COL17A1: variants seen among roughly 807,000 people sequenced by gnomAD.
The protein encoded by COL17A1 is collagen alpha-1(XVII) chain.
COL17A1 carries 181 observed loss-of-function variants against 218.4 expected under a neutral mutation model. That is an observed-to-expected ratio of 0.83 (90% CI 0.73 to 0.94). The LOEUF (loss-of-function observed/expected upper bound fraction) is 0.94. Ranked by LOEUF, COL17A1 falls within the 40% of genes least tolerant of loss-of-function variation. The pLI, the probability that COL17A1 is intolerant of heterozygous loss-of-function variation, is 0.00. For synonymous variants in COL17A1, 721 were observed against 731.0 expected (o/e 0.99, Z 0.22); for missense variants, 1,924 against 1,945.9 (o/e 0.99, Z 0.21).
intron 19 of COL17A1, 74 bp downstream of exon 19, chr10:104,055,298 T>G: frequency 6.2e-7 from 1 of 1,610,096 alleles, no homozygotes; most frequent in Non-Finnish European, 8.5e-7. Flanking sequence ...AGAAAAAGGC[T>G]TCTAATCTAC....
intron 9 of COL17A1, 30 bp from the exon 10 acceptor site, chr10:104,064,626 T>C (rs757165629): frequency 1.9e-6 from 3 of 1,596,274 alleles, no homozygotes; most frequent in East Asian, 2.3e-5. Flanking sequence ...CACACCCCAG[T>C]GAGAGACAAA....
intron 52 of COL17A1, 151 bp downstream of exon 52, chr10:104,033,794 T>G: frequency 8.1e-7 from 1 of 1,233,242 alleles, no homozygotes; most frequent in Non-Finnish European, 1.1e-6. Flanking sequence ...CTGAGTAGGC[T>G]GAGAGCTAGG....
In COL17A1 at chr10:104,040,474, C is replaced by T. The variant is rs2086347408; in HGVS notation, c.2702-64G>A. 5.8e-6 allele frequency: 6 copies of T among 1,027,762 alleles called. No homozygotes were observed. In the East Asian group the frequency reaches 1.4e-4, roughly 24 times the overall value. 63.7% of individuals were successfully genotyped at this position (1,027,762 alleles called of 1,614,324 possible). A position where few individuals can be genotyped will look rare whatever the true frequency, so the allele number is the denominator to read the frequency against. ...GTTTGTGAAGAAGCAGCACTTTGCA[C>T]AGCACCTGACAACATAGATGCTCAA... On this transcript the variant is annotated intron_variant, in intron 39 of 55. Transcript: ENST00000648076.
At position 104,033,255 on chromosome 10, in the gene COL17A1, A is replaced by G. The variant is rs140644654; in HGVS notation, c.4277T>C (p.Leu1426Pro). 63 of 1,588,498 alleles carry G rather than the reference A, an allele frequency of 4.0e-5. No individual in the cohort carries two copies. The highest frequency in any genetic ancestry group is 4.5e-5 in the Non-Finnish European group (53 of 1,167,412). Residue 1426 changes from leucine to proline, a missense_variant, in exon 53 of 56, where the codon CTC becomes CCC. Leu to Pro is a moderately conservative substitution (Grantham distance 98, BLOSUM62 -3). Coordinates refer to ENST00000648076, the MANE Select transcript of COL17A1 (RefSeq NM_000494.4). ...FSAYSNVTAD[L>P]MDFFQTYGAI... is the part of the protein sequence containing the mutation. ...GCCCTTACTTTGGAAGAAGTCCATG[A>G]GGTCCGCAGTCACGTTGCTGTAGGC...
At chr10:104,050,767 T>C in intron 26 of COL17A1, 81 bp downstream of exon 26, 1 of 1,614,064 alleles carries the variant, frequency 6.2e-7, no homozygotes, top group Non-Finnish European at 8.5e-7. Context: ...CTTCTTCCCC[T>C]CTTGCACTTG....
intron 46 of COL17A1, 141 bp from the exon 47 acceptor site, chr10:104,037,254 G>A: frequency 1.3e-6 from 1 of 784,412 alleles, no homozygotes; most frequent in Non-Finnish European, 2.2e-6. Flanking sequence ...AGGCTATTTT[G>A]AAAGCATAAC....
chr10:104,033,349 A>G lies in COL17A1; in HGVS notation c.4183T>C (p.Tyr1395His), dbSNP rs764180733. ...TGGCCTGGTGGGCCCTGGACAGTGT[A>G]GGCCATCCCTTGCAGTAGGCCCTGA... ...QRQGLLQGMAYTVQGPPGQPG... is the reference protein window; with the variant it reads ...QRQGLLQGMAHTVQGPPGQPG... Residue 1395 changes from tyrosine (Y) to histidine (H), a missense_variant, in exon 53 of 56, where the codon TAC (tyrosine) becomes CAC (histidine). By Grantham distance (83) the Tyr-to-His change is moderately conservative. Transcript: ENST00000648076. 12 of 1,610,282 alleles carry G rather than the reference A, an allele frequency of 7.5e-6. No individual in the cohort carries two copies. The Admixed American group carries it at 2.0e-4, about 27-fold the overall frequency.
rs367977777 is a variant in COL17A1 at position 104,032,774 on chromosome 10, G to A, written c.4358-20C>T. ...TGTCACCTGGAAGGAAAAATGGGGC[G>A]TAACTAAGTAATACATGAGTCTGGG... On this transcript the variant is annotated intron_variant, in intron 54 of 55. Coordinates refer to ENST00000648076, the MANE Select transcript of COL17A1 (RefSeq NM_000494.4). The A allele has an allele frequency of 5.0e-5, 80 of 1,613,228 alleles. No homozygotes were observed. Among genetic ancestry groups the A allele is most frequent in the Non-Finnish European group, 5.6e-5 (66 of 1,179,294 alleles).
At chr10:104,072,228 G>C in intron 7 of COL17A1, 149 bp from the exon 8 acceptor site, 1 of 1,238,348 alleles carries the variant, frequency 8.1e-7, no homozygotes, top group Non-Finnish European at 1.1e-6. Flanking sequence ...CCCAAGAAGA[G>C]TGCTGCTTAA....
intron 1 of COL17A1, among the ~76,000 whole-genome samples, chr10:104,083,595 T>G (rs186364014): frequency 5.3e-5 from 8 of 152,340 alleles, no homozygotes; most frequent in Admixed American, 3.9e-4. Context: ...AGTTTTTTCC[T>G]TTCCCCTTTA....
At chr10:104,058,287 TA>T in intron 15 of COL17A1, 97 bp from the exon 16 acceptor site, 1 of 1,535,778 alleles carries the variant, frequency 6.5e-7, no homozygotes, top group South Asian at 1.2e-5. Flanking sequence ...ACTTTCTTAA[TA>T]AACTTGCTTT....
chr10:104,060,384 GGT>G, intron 13 of COL17A1, 104 bp from the exon 14 acceptor site: 1 of 1,471,574 alleles, frequency 6.8e-7, no homozygotes, highest in Non-Finnish European at 9.3e-7. Flanking sequence ...GGAGGAGGGA[GGT>G]AAATTAGCAG....
In COL17A1 at chr10:104,039,434, C is replaced by T; in HGVS notation, c.2896+11G>A. ...TACTCCTCACCACCTTCTCACTGCT[C>T]CCTCACTGACCTTTGTCACCTTTGG... is the stretch of plus-strand genomic sequence containing the variant. On this transcript the variant is annotated intron_variant, in intron 43 of 55. Transcript: ENST00000648076. 1 of 1,613,736 alleles carries T rather than the reference C, an allele frequency of 6.2e-7. No individual in the cohort carries two copies. Among genetic ancestry groups the T allele is most frequent in the Non-Finnish European group, 8.5e-7 (1 of 1,179,876 alleles).
chr10:104,036,910 G>T, intron 47 of COL17A1, 135 bp downstream of exon 47: 1 of 893,294 alleles, frequency 1.1e-6, no homozygotes, highest in Non-Finnish European at 1.8e-6. Context: ...AGCAGTAAGT[G>T]GCTCTTTGTC....
At chr10:104,059,569 T>G (rs765858100) in intron 15 of COL17A1, 69 bp downstream of exon 15, 2 of 1,430,986 alleles carry the variant, frequency 1.4e-6, no homozygotes, top group Middle Eastern at 1.8e-4. Flanking sequence ...TAGCAAGGTC[T>G]CCGAAGACAA....
At chr10:104,052,320 G>C (rs938222817) in intron 23 of COL17A1, 103 bp from the exon 24 acceptor site, 196 of 1,490,978 alleles carry the variant, frequency 1.3e-4, no homozygotes, top group Admixed American at 2.0e-4. Context: ...CCCTGCTAGT[G>C]GTCTTGGATC....
At chr10:104,085,561 C>T (rs1168687429) in intron 1 of COL17A1, among the ~76,000 whole-genome samples, 162 bp downstream of exon 1, 1 of 152,214 alleles carries the variant, frequency 6.6e-6, no homozygotes, top group East Asian at 1.9e-4. Flanking sequence ...AGAATGCATA[C>T]ACCAAAGTCA....
Position 104,050,122 on chromosome 10 carries a change from C to T in COL17A1, c.2131G>A (p.Asp711Asn), listed in dbSNP as rs2086453670. ...CCTCGAGGTCCTTTCTCACCCTGGT[C>T]ACCTAAAGCAAACAAGGGGGAGGTG... is the stretch of plus-strand genomic sequence containing the variant. ...GPMGPPGPKG[D>N]QGEKGPRGLT... Residue 711 changes from aspartate to asparagine, a missense_variant and splice_region_variant, in exon 28 of 56, where the codon GAC (aspartate) becomes AAC (asparagine). Asp to Asn is a conservative substitution (Grantham distance 23). Coordinates refer to ENST00000648076, the MANE Select transcript of COL17A1 (RefSeq NM_000494.4). 1 of 1,613,986 alleles carries T rather than the reference C, an allele frequency of 6.2e-7. No homozygotes were observed. The highest frequency in any genetic ancestry group is 8.5e-7 in the Non-Finnish European group (1 of 1,180,010).
intron 8 of COL17A1, 78 bp downstream of exon 8, chr10:104,071,954 A>G: frequency 1.3e-5 from 20 of 1,567,122 alleles, no homozygotes; most frequent in Non-Finnish European, 1.7e-5. Context: ...ACACACACGC[A>G]TGCACACACA....
Sources: gnomAD v4.1 joint callset for allele counts (sites outside exome capture counted in the v4.1 genomes callset) on GRCh38, gnomAD v4.1.1 for gene constraint, MANE v1.5 for transcripts, NCBI Gene and HGNC (gene_info 2026-07-23, HGNC 2026-07-21) for gene names.